RNF145: variants seen among roughly 807,000 people sequenced by gnomAD.
RNF145 encodes the protein ring finger protein 145.
Under a neutral mutation model 57.3 loss-of-function variants are expected in RNF145, and 12 were observed. The ratio of observed to expected loss-of-function variants is 0.21; its 90% CI spans 0.13 to 0.34. The LOEUF (loss-of-function observed/expected upper bound fraction) is 0.34, where lower values mean the gene tolerates loss of function less well. Among genes scored for constraint, RNF145 ranks in the 10% least tolerant of loss-of-function variants. The pLI is 1.00. For missense variants in RNF145, 429 were observed against 799.0 expected (o/e 0.54, Z 5.58); for synonymous variants, 262 against 288.3 (o/e 0.91, Z 0.92).
At chr5:159,169,140 C>G in intron 7 of RNF145, 85 bp from the exon 8 acceptor site, 1 of 1,075,114 alleles carries the variant, frequency 9.3e-7, no homozygotes, top group Non-Finnish European at 1.3e-6. Context: ...AAGGCTTAGA[C>G]TCTTGTTACA....
intron 8 of RNF145, among the ~76,000 whole-genome samples, chr5:159,166,033 T>G (rs1298588973): frequency 2.6e-5 from 4 of 152,188 alleles, no homozygotes; most frequent in African/African-American, 7.2e-5. Flanking sequence ...CACTTTACAC[T>G]CTCATCAGTA....
intron 3 of RNF145, among the ~76,000 whole-genome samples, chr5:159,191,296 C>T (rs1001719438): frequency 6.6e-6 from 1 of 152,126 alleles, no homozygotes; most frequent in African/African-American, 2.4e-5. Context: ...TTCCTTTCTA[C>T]TAACCATGCT....
In RNF145 at chr5:159,180,473, T is replaced by C. The variant is rs144583699; in HGVS notation, c.385+1487A>G. ...CACAAGAAACTTACATCCTTTGCTC[T>C]ACAATTTCCTGTATCAGAAGATACA... On this transcript the variant is annotated intron_variant, in intron 4 of 10. Coordinates refer to ENST00000424310, the MANE Select transcript of RNF145 (RefSeq NM_001199383.2). Among the ~76,000 whole-genome samples the C allele has an allele frequency of 2.8e-3, 429 of 152,198 alleles. 3 individuals are homozygous for C. Among genetic ancestry groups the C allele is most frequent in the African/African-American group, 9.7e-3 (403 of 41,546 alleles).
At chr5:159,162,445 T>TTG (rs1162015266) in intron 9 of RNF145, among the ~76,000 whole-genome samples, 7 of 134,068 alleles carry the variant, frequency 5.2e-5, no homozygotes, top group African/African-American at 2.0e-4. Flanking sequence ...TTTTTTTTTT[T>TTG]GAGACGGAGT....
At position 159,162,579 on chromosome 5, in the gene RNF145, C is replaced by T. The variant is rs1222918864; in HGVS notation, c.1269+353G>A. 4.6e-5 allele frequency among the ~76,000 whole-genome samples: 7 copies of T among 151,560 alleles called. No individual in the cohort carries two copies. The East Asian group carries it at 7.7e-4, about 17-fold the overall frequency. ...CCTCCCGAGTAGCTGGGACTACAGG[C>T]GCCCGCCACCGCGCCCGGCTAATTT... On this transcript the variant is annotated intron_variant, in intron 9 of 10. Coordinates refer to ENST00000424310, the MANE Select transcript of RNF145 (RefSeq NM_001199383.2).
chr5:159,206,518 G>T (rs1562080060), intron 1 of RNF145, among the ~76,000 whole-genome samples: 2 of 152,096 alleles, frequency 1.3e-5, no homozygotes, highest in Non-Finnish European at 2.9e-5. Flanking sequence ...CATCTTCTTT[G>T]CAAGTACTTG....
chr5:159,163,094 A>C lies in RNF145; in HGVS notation c.1122-15T>G. 6.3e-7 allele frequency: 1 copy of C among 1,582,862 alleles called. No homozygotes were observed. Among genetic ancestry groups the C allele is most frequent in the Non-Finnish European group, 8.5e-7 (1 of 1,170,754 alleles). ...TCCACAAGCTCCTGGAGAAAGACAA[A>C]ATTATTCTTTTTAAGTGCCTGCCAC... On this transcript the variant is annotated splice_polypyrimidine_tract_variant and intron_variant, in intron 8 of 10. Coordinates refer to ENST00000424310, the MANE Select transcript of RNF145 (RefSeq NM_001199383.2).
Position 159,209,497 on chromosome 5 carries a change from G to A in RNF145, c.-306C>T, listed in dbSNP as rs1252609082. 13 of 925,302 alleles carry A rather than the reference G, an allele frequency of 1.4e-5. No homozygotes were observed. In the East Asian group the frequency reaches 1.4e-3, roughly 100 times the overall value. 57.3% of individuals were successfully genotyped at this position (925,302 alleles called of 1,614,324 possible). A position where few individuals can be genotyped will look rare whatever the true frequency, so the allele number is the denominator to read the frequency against. ...CGGGCCGAGCCCCTTAGCAGCCGGCGCCGGCGTCGGCGGCCATGGCCTCCT... is the reference window on the plus strand; with the variant it reads ...CGGGCCGAGCCCCTTAGCAGCCGGCACCGGCGTCGGCGGCCATGGCCTCCT... On this transcript the variant is annotated 5_prime_UTR_variant, in exon 1 of 11. Transcript: ENST00000424310.
Position 159,173,874 on chromosome 5 carries a change from G to A in RNF145, c.797+109C>T, listed in dbSNP as rs190606007. 310 of 740,198 alleles carry A rather than the reference G, an allele frequency of 4.2e-4. 1 individual carries two copies. In the African/African-American group the frequency reaches 4.9e-3, roughly 12 times the overall value. The allele number at this position is 740,198 out of a possible 1,614,324, so 45.9% of individuals were successfully genotyped here. A position where few individuals can be genotyped will look rare whatever the true frequency, so the allele number is the denominator to read the frequency against. On this transcript the variant is annotated intron_variant, in intron 6 of 10. Coordinates refer to ENST00000424310, the MANE Select transcript of RNF145 (RefSeq NM_001199383.2). Reference sequence around the variant, plus strand: ...TGAAAATCCTATCTTAACAAAATACGAAGTTGTGTAACATGAACGATAAAA... The same window carrying A: ...TGAAAATCCTATCTTAACAAAATACAAAGTTGTGTAACATGAACGATAAAA...
chr5:159,208,068 T>C, intron 1 of RNF145: 5 of 1,488,548 alleles, frequency 3.4e-6, no homozygotes, highest in Non-Finnish European at 4.4e-6. Context: ...CGCAAGGCCA[T>C]CCACTAATCT....
chr5:159,206,557 A>G (rs530099743), intron 1 of RNF145, among the ~76,000 whole-genome samples: 24 of 152,286 alleles, frequency 1.6e-4, no homozygotes, highest in Admixed American at 7.2e-4. Context: ...AAATCACTAT[A>G]TCATACAAAC....
At chr5:159,183,369 T>C (rs2113163589) in intron 3 of RNF145, among the ~76,000 whole-genome samples, 1 of 152,240 alleles carries the variant, frequency 6.6e-6, no homozygotes, top group Non-Finnish European at 1.5e-5. Context: ...TAGCACCTAG[T>C]GTGTAAAGGC....
At position 159,166,709 on chromosome 5, in the gene RNF145, G is replaced by A. The variant is rs565262200; in HGVS notation, c.1121+2164C>T. 5.9e-5 allele frequency among the ~76,000 whole-genome samples: 9 copies of A among 152,192 alleles called. No homozygotes were observed. The South Asian group carries it at 8.3e-4, about 14-fold the overall frequency. On this transcript the variant is annotated intron_variant, in intron 8 of 10. Transcript: ENST00000424310. ...CTTAAGCCAACATTACAAATGCCTC[G>A]CAATATCTCCTGCCATGAGTGAAAT...
chr5:159,187,961 C>T (rs1266027778), intron 3 of RNF145, among the ~76,000 whole-genome samples: 3 of 152,132 alleles, frequency 2.0e-5, no homozygotes, highest in Non-Finnish European at 4.4e-5. Context: ...ACTTACACAC[C>T]GAAGAGCCAG....
At position 159,163,012 on chromosome 5, in the gene RNF145, C is replaced by T. The variant is rs779784794; in HGVS notation, c.1189G>A (p.Ala397Thr). 7.4e-6 allele frequency: 12 copies of T among 1,612,624 alleles called. 1 individual carries two copies. In the South Asian group the frequency reaches 8.8e-5, roughly 12 times the overall value. The change falls in exon 9 of 11, where the codon GCT becomes ACT. Residue 397 changes from alanine to threonine, a missense_variant. Ala to Thr is a moderately conservative substitution (Grantham distance 58). Transcript: ENST00000424310. The part of the protein sequence containing the change: ...LFLLVFPAYM[A>T]YMICQFFHMD... ...TGGAAAAACTGGCAAATCATATAAGCCATATAAGCAGGGAATACCAATAAA... is the reference window on the plus strand; with the variant it reads ...TGGAAAAACTGGCAAATCATATAAGTCATATAAGCAGGGAATACCAATAAA...
chr5:159,183,847 C>T (rs7448744), intron 3 of RNF145, among the ~76,000 whole-genome samples: 131,445 of 152,162 alleles, frequency 0.86, 57,161 homozygotes, highest in African/African-American at 0.96. Context: ...ATGAGAGTAA[C>T]GGCTTAATGA....
intron 9 of RNF145, among the ~76,000 whole-genome samples, chr5:159,162,671 T>A (rs1315398637): frequency 6.6e-6 from 1 of 151,510 alleles, no homozygotes; most frequent in African/African-American, 2.4e-5. Flanking sequence ...CCTGACCTCA[T>A]GATCCACCCG....
Position 159,169,038 on chromosome 5 carries a change from A to G in RNF145, c.956T>C (p.Val319Ala). 9 of 1,572,132 alleles carry G rather than the reference A, an allele frequency of 5.7e-6. No homozygotes were observed. Among genetic ancestry groups the G allele is most frequent in the Non-Finnish European group, 6.9e-6 (8 of 1,166,208 alleles). Residue 319 changes from valine (V) to alanine (A), a missense_variant, in exon 8 of 11, where the codon GTA (valine) becomes GCA (alanine). Coordinates refer to ENST00000424310, the MANE Select transcript of RNF145 (RefSeq NM_001199383.2). ...CTGCACTGCCAGGATTAACAGCGTT[A>G]CTCCTTCTGTCATGCCCCTAAAAAA... The part of the protein sequence containing the change: ...PAMNRGMTEG[V>A]TLLILAVQTG...
chr5:159,208,251 G>C, intron 1 of RNF145: 16 of 876,832 alleles, frequency 1.8e-5, no homozygotes, highest in Non-Finnish European at 2.3e-5. Context: ...GGGGCTAAGA[G>C]ATTACGTTCA....
Sources: gnomAD v4.1 joint callset for allele counts (sites outside exome capture counted in the v4.1 genomes callset) on GRCh38, gnomAD v4.1.1 for gene constraint, MANE v1.5 for transcripts, NCBI Gene and HGNC (gene_info 2026-07-23, HGNC 2026-07-21) for gene names.